MICAL2: variants seen among roughly 807,000 people sequenced by gnomAD.
The protein encoded by MICAL2 is microtubule associated monooxygenase, calponin and LIM domain containing 2, also known as [F-actin]-monooxygenase MICAL2.
A neutral mutation model predicts 127.3 loss-of-function variants in MICAL2; 77 were observed. That is an observed-to-expected ratio of 0.60 (90% CI 0.50 to 0.73). The LOEUF is 0.73. Ranked by LOEUF, MICAL2 falls within the 30% of genes least tolerant of loss-of-function variation. MICAL2 has a pLI of 0.00. For missense variants in MICAL2, 1,351 were observed against 1,434.4 expected, an observed-to-expected ratio of 0.94 and a Z score of 0.94; for synonymous variants, 570 against 551.1, an observed-to-expected ratio of 1.03 and a Z score of -0.48.
intron 3 of MICAL2, among the ~76,000 whole-genome samples, chr11:12,197,138 C>G (rs527330271): frequency 1.3e-5 from 2 of 152,324 alleles, no homozygotes; most frequent in East Asian, 3.9e-4. Context: ...ATCCCCAGAG[C>G]CATCTCACCA....
intron 1 of MICAL2, among the ~76,000 whole-genome samples, chr11:12,133,151 G>A (rs555505040): frequency 9.2e-5 from 14 of 152,178 alleles, no homozygotes; most frequent in South Asian, 4.2e-4. Context: ...GCACCATCTC[G>A]GCTCACTGCA....
At chr11:12,267,495 G>A (rs1232863653), downstream of MICAL2, among the ~76,000 whole-genome samples, 1 of 151,936 alleles carries the variant, frequency 6.6e-6, no homozygotes, top group Non-Finnish European at 1.5e-5. Context: ...CACCACCTCC[G>A]CACTAACCAC....
chr11:12,162,541 G>T, intron 3 of MICAL2, 122 bp downstream of exon 3: 1 of 1,237,694 alleles, frequency 8.1e-7, no homozygotes, highest in Non-Finnish European at 1.1e-6. Context: ...ATGTTGCATT[G>T]TTTTCCTCCG....
chr11:12,344,472 C>CGATGAT (rs34112883), intron 32 of MICAL2, among the ~76,000 whole-genome samples: 20 of 141,476 alleles, frequency 1.4e-4, no homozygotes, highest in Admixed American at 2.1e-4. Context: ...ATTCTAGAAA[C>CGATGAT]TATTATTATT....
chr11:12,330,875 G>GAGAC (rs1864415033), intron 32 of MICAL2, among the ~76,000 whole-genome samples: 2 of 142,328 alleles, frequency 1.4e-5, no homozygotes, highest in Non-Finnish European at 3.0e-5. Context: ...GAGAGAGAGA[G>GAGAC]AGAGAGACAG....
intron 29 of MICAL2, among the ~76,000 whole-genome samples, chr11:12,317,412 T>C (rs1251081010): frequency 6.6e-6 from 1 of 152,212 alleles, no homozygotes; most frequent in Non-Finnish European, 1.5e-5. Context: ...TTTCAGTGCT[T>C]TGTGTTGGGA....
chr11:12,212,179 GC>G (rs1471552098), intron 6 of MICAL2, among the ~76,000 whole-genome samples: 1 of 152,144 alleles, frequency 6.6e-6, no homozygotes, highest in Non-Finnish European at 1.5e-5. Flanking sequence ...GCTGTCAGGT[GC>G]GTTTACCCTG....
At chr11:12,251,577 T>TAAAAA (rs536942703) in intron 22 of MICAL2, among the ~76,000 whole-genome samples, 1 of 93,830 alleles carries the variant, frequency 1.1e-5, no homozygotes, top group South Asian at 4.0e-4. Context: ...CATTTCACTT[T>TAAAAA]AAAAAAAAAA....
At chr11:12,227,871 A>G (rs963341893) in intron 15 of MICAL2, among the ~76,000 whole-genome samples, 1 of 152,254 alleles carries the variant, frequency 6.6e-6, no homozygotes, top group African/African-American at 2.4e-5. Context: ...GTTTTCCTAG[A>G]AAATTAAAAA....
intron 2 of MICAL2, among the ~76,000 whole-genome samples, chr11:12,150,218 A>T (rs1035332534): frequency 1.3e-5 from 2 of 152,210 alleles, no homozygotes; most frequent in Non-Finnish European, 2.9e-5. Flanking sequence ...CATTTTGGGG[A>T]ATGACTTCAT....
intron 17 of MICAL2, among the ~76,000 whole-genome samples, chr11:12,240,007 A>T (rs1050319511): frequency 3.3e-5 from 5 of 152,166 alleles, no homozygotes; most frequent in African/African-American, 1.2e-4. Flanking sequence ...TTTTGAGGTG[A>T]TACAGTTTGA....
intron 22 of MICAL2, chr11:12,254,788 C>G (rs766620692): frequency 1.3e-4 from 20 of 151,998 alleles, no homozygotes; most frequent in Non-Finnish European, 2.5e-4. Flanking sequence ...CCTTGCACCC[C>G]ACGGTGAATG....
chr11:12,327,125 G>A, intron 31 of MICAL2: 1 of 1,505,080 alleles, frequency 6.6e-7, no homozygotes, highest in Non-Finnish European at 9.1e-7. Context: ...CCCCTCTTGG[G>A]ACTCTATGTG....
At chr11:12,226,691 C>T (rs1283546098) in intron 14 of MICAL2, among the ~76,000 whole-genome samples, 2 of 127,238 alleles carry the variant, frequency 1.6e-5, no homozygotes, top group African/African-American at 6.2e-5. Context: ...CTCGCTTTGT[C>T]GCCGAGGCTG....
chr11:12,354,486 A>G (rs1480313334), intron 33 of MICAL2, among the ~76,000 whole-genome samples: 1 of 151,602 alleles, frequency 6.6e-6, no homozygotes, highest in Middle Eastern at 3.2e-3. Flanking sequence ...AAAAAAAAAA[A>G]AATTAGCCAG....
downstream of MICAL2, among the ~76,000 whole-genome samples, chr11:12,264,789 A>G (rs1266302305): frequency 6.6e-6 from 1 of 152,204 alleles, no homozygotes; most frequent in Non-Finnish European, 1.5e-5. Context: ...TGGGCTGTGC[A>G]AGTGACTCAT....
intron 30 of MICAL2, among the ~76,000 whole-genome samples, chr11:12,320,741 T>A (rs990818839): frequency 2.6e-5 from 4 of 152,052 alleles, no homozygotes; most frequent in Non-Finnish European, 4.4e-5. Context: ...CACTCTGGGG[T>A]TCCAACTCCC....
chr11:12,320,996 C>T (rs1864288303), intron 30 of MICAL2, among the ~76,000 whole-genome samples: 1 of 152,094 alleles, frequency 6.6e-6, no homozygotes, highest in South Asian at 2.1e-4. Flanking sequence ...CCTTGAATGA[C>T]CCTGAGTTAA....
chr11:12,298,250 T>G (rs890231066), intron 29 of MICAL2, among the ~76,000 whole-genome samples: 2 of 152,048 alleles, frequency 1.3e-5, no homozygotes, highest in African/African-American at 4.8e-5. Context: ...TATATTAGTT[T>G]TTGTTGCTAT....
Sources: gnomAD v4.1 joint callset for allele counts (sites outside exome capture counted in the v4.1 genomes callset) on GRCh38, gnomAD v4.1.1 for gene constraint, MANE v1.5 for transcripts, NCBI Gene and HGNC (gene_info 2026-07-23, HGNC 2026-07-21) for gene names.